Variants in ECE1 observed in about 807,000 individuals in gnomAD.
The protein encoded by ECE1 is endothelin converting enzyme 1.
A neutral mutation model predicts 98.6 loss-of-function variants in ECE1; 35 were observed. The ratio of observed to expected loss-of-function variants is 0.35; its 90% CI spans 0.27 to 0.47. The LOEUF (loss-of-function observed/expected upper bound fraction) is 0.47. Among genes scored for constraint, ECE1 ranks in the 20% least tolerant of loss-of-function variants. The pLI is 1.00. For missense variants in ECE1, 814 were observed against 1,025.3 expected (o/e 0.79, Z 2.81); for synonymous variants, 394 against 407.1 (o/e 0.97, Z 0.39).
chr1:21,302,773 C>T (rs1016674980), intron 1 of ECE1, among the ~76,000 whole-genome samples: 21 of 152,142 alleles, frequency 1.4e-4, no homozygotes, highest in African/African-American at 4.3e-4. Context: ...AAGGTGATGA[C>T]GGAAATGTAG....
At chr1:21,283,369 C>T (rs544202854) in intron 2 of ECE1, among the ~76,000 whole-genome samples, 1 of 151,786 alleles carries the variant, frequency 6.6e-6, no homozygotes, top group East Asian at 1.9e-4. Context: ...CTCCCGAGTT[C>T]AAGCAATTCT....
intron 17 of ECE1, among the ~76,000 whole-genome samples, chr1:21,224,733 A>G (rs773622089): frequency 1.3e-5 from 2 of 152,212 alleles, no homozygotes; most frequent in African/African-American, 2.4e-5. Flanking sequence ...TCTCTGGGTC[A>G]GCCCGTGTCT....
Position 21,219,379 on chromosome 1 carries a change from G to A in ECE1, c.*576C>T, listed in dbSNP as rs2098164574. 6.3e-6 allele frequency: 1 copy of A among 157,850 alleles called. No individual in the cohort carries two copies. Among genetic ancestry groups the A allele is most frequent in the African/African-American group, 2.4e-5 (1 of 41,530 alleles). The allele number at this position is 157,850 out of a possible 1,614,324, so 9.8% of individuals were successfully genotyped here. ...TGAAATCACACATCCCAGGGGCTGA[G>A]GCAGCTGTCTGATTTGGAGACTTGC... On this transcript the variant is annotated 3_prime_UTR_variant, in exon 19 of 19. Coordinates refer to ENST00000374893, the MANE Select transcript of ECE1 (RefSeq NM_001397.3). This position sits in a 1 kb window ranked among gnomAD's most constrained non-coding sequence, Gnocchi z 4.5.
At chr1:21,343,743 A>C (rs949643477) in intron 1 of ECE1, among the ~76,000 whole-genome samples, 15 of 152,340 alleles carry the variant, frequency 9.8e-5, no homozygotes, top group African/African-American at 2.9e-4. Context: ...TCTTCACAAT[A>C]GGCTGGTGGG....
In ECE1 at chr1:21,297,092, C is replaced by T. The variant is rs117822555; in HGVS notation, c.4-6936G>A. Among the ~76,000 whole-genome samples the T allele has an allele frequency of 1.2e-3, 177 of 152,318 alleles. 1 individual carries two copies. Among genetic ancestry groups the T allele is most frequent in the East Asian group, 7.9e-3 (41 of 5,184 alleles). On this transcript the variant is annotated intron_variant, in intron 1 of 18. Coordinates refer to the ECE1 transcript ENST00000415912. Reference sequence around the variant, plus strand: ...TGTGAGCCAACCACTCTGGCGTGGCCCCGAGTCCCAGGGCTGGGCTCCCGT... The same window carrying T: ...TGTGAGCCAACCACTCTGGCGTGGCTCCGAGTCCCAGGGCTGGGCTCCCGT...
rs768873554 is a variant in ECE1 at position 21,255,934 on chromosome 1, G to A, written c.1020+13C>T. 1.9e-6 allele frequency: 3 copies of A among 1,613,692 alleles called. No homozygotes were observed. The highest frequency in any genetic ancestry group is 2.5e-6 in the Non-Finnish European group (3 of 1,179,910). ...GCCATCCCAGCCTCCCTAGCAGCCG[G>A]CGCTCAAGTTACCTGCAGCTCGGCT... On this transcript the variant is annotated intron_variant, in intron 8 of 18. Transcript: ENST00000374893.
At chr1:21,294,632 T>TA (rs1392248540), upstream of ECE1, among the ~76,000 whole-genome samples, 1 of 152,196 alleles carries the variant, frequency 6.6e-6, no homozygotes, top group Non-Finnish European at 1.5e-5. This position sits in a 1 kb window ranked among gnomAD's most constrained non-coding sequence, Gnocchi z 4.2. Flanking sequence ...ACGAGAAATA[T>TA]AAACACGCAC....
intron 4 of ECE1, among the ~76,000 whole-genome samples, chr1:21,271,154 C>T (rs1342278717): frequency 6.6e-6 from 1 of 152,204 alleles, no homozygotes; most frequent in Non-Finnish European, 1.5e-5. Context: ...CACCACCCTG[C>T]TCATCCTCAG....
chr1:21,336,712 G>A (rs1639311385), intron 1 of ECE1, among the ~76,000 whole-genome samples: 2 of 152,236 alleles, frequency 1.3e-5, no homozygotes, highest in Admixed American at 6.5e-5. Flanking sequence ...GCGTGGTGGC[G>A]GGCACCTGTA....
At chr1:21,274,439 C>T (rs912761964) in intron 3 of ECE1, among the ~76,000 whole-genome samples, 7 of 152,232 alleles carry the variant, frequency 4.6e-5, no homozygotes, top group Non-Finnish European at 8.8e-5. Flanking sequence ...GGGCAAGTGA[C>T]CTCATCGCTC....
chr1:21,256,074 T>G lies in ECE1; in HGVS notation c.893A>C (p.Glu298Ala). Residue 298 changes from glutamate (E) to alanine (A), a missense_variant, in exon 8 of 19, where the codon GAG (glutamate) becomes GCG (alanine). Coordinates refer to ENST00000374893, the MANE Select transcript of ECE1 (RefSeq NM_001397.3). ...LGKLLGGGDE[E>A]AIRPQMQQIL... is the part of the protein sequence containing the mutation. ...CTGCTGCATCTGGGGCCGGATGGCCTCCTCGTCCCCGCCGCCCAGCAGCTT... is the reference window on the plus strand; with the variant it reads ...CTGCTGCATCTGGGGCCGGATGGCCGCCTCGTCCCCGCCGCCCAGCAGCTT... 6.2e-7 allele frequency: 1 copy of G among 1,610,882 alleles called. No individual in the cohort carries two copies. Among genetic ancestry groups the G allele is most frequent in the South Asian group, 1.1e-5 (1 of 91,044 alleles).
chr1:21,233,706 T>C lies in ECE1; in HGVS notation c.1567-45A>G, dbSNP rs1240055263. 3.8e-6 allele frequency: 6 copies of C among 1,575,216 alleles called. No homozygotes were observed. In the African/African-American group the frequency reaches 6.7e-5, roughly 18 times the overall value. On this transcript the variant is annotated intron_variant, in intron 13 of 18. Coordinates refer to ENST00000374893, the MANE Select transcript of ECE1 (RefSeq NM_001397.3). This position sits in a 1 kb window ranked among gnomAD's most constrained non-coding sequence, Gnocchi z 4.0. ...GTCAATCACAGTGTGCCCTCGGTGG[T>C]GTGCATCTTCCAAGACAGGAAGCCA...
chr1:21,251,792 G>A (rs1167266042), intron 8 of ECE1, among the ~76,000 whole-genome samples: 1 of 152,172 alleles, frequency 6.6e-6, no homozygotes, highest in Non-Finnish European at 1.5e-5. Flanking sequence ...CTAAAAAGGG[G>A]AAAACAGCCT....
intron 1 of ECE1, among the ~76,000 whole-genome samples, chr1:21,311,746 G>T (rs1178988512): frequency 1.3e-5 from 2 of 151,716 alleles, no homozygotes; most frequent in Non-Finnish European, 2.9e-5. Context: ...GCCCTAGGAG[G>T]TTGAGGTTGC....
chr1:21,270,941 T>C (rs1469465675), intron 4 of ECE1, among the ~76,000 whole-genome samples: 1 of 152,208 alleles, frequency 6.6e-6, no homozygotes, highest in Non-Finnish European at 1.5e-5. Flanking sequence ...CCCCCAGCTG[T>C]GATGTTAGGC....
intron 1 of ECE1, among the ~76,000 whole-genome samples, chr1:21,328,556 G>A (rs1639130745): frequency 6.6e-6 from 1 of 152,160 alleles, no homozygotes; most frequent in African/African-American, 2.4e-5. Context: ...GAGGTCAGGA[G>A]TTCCAGACCA....
At position 21,319,441 on chromosome 1, in the gene ECE1, G is replaced by A. The variant is rs1265602112; in HGVS notation, c.3+25935C>T. ...CATGATAAGACCTCGTGTCTAAATG[G>A]CCTGGTACATACTAGGGCCTCCATA... On this transcript the variant is annotated intron_variant, in intron 1 of 18. Coordinates refer to the ECE1 transcript ENST00000415912. The surrounding 1 kb of genome is among the most constrained non-coding windows in gnomAD (Gnocchi z 4.4). Among the ~76,000 whole-genome samples the A allele has an allele frequency of 6.6e-6, 1 of 152,132 alleles. No homozygotes were observed. Among genetic ancestry groups the A allele is most frequent in the East Asian group, 1.9e-4 (1 of 5,188 alleles).
chr1:21,231,952 A>G (rs2098182261), intron 14 of ECE1, among the ~76,000 whole-genome samples: 2 of 152,258 alleles, frequency 1.3e-5, no homozygotes, highest in Non-Finnish European at 2.9e-5. Context: ...ATATTCAAAT[A>G]ATCACAAATA....
At chr1:21,284,008 G>A (rs1206784440) in intron 2 of ECE1, among the ~76,000 whole-genome samples, 1 of 152,202 alleles carries the variant, frequency 6.6e-6, no homozygotes, top group South Asian at 2.1e-4. Flanking sequence ...ACTAGGCCAG[G>A]ATCAGGAGGC....
Sources: gnomAD v4.1 joint callset for allele counts (sites outside exome capture counted in the v4.1 genomes callset) on GRCh38, gnomAD v4.1.1 for gene constraint, Gnocchi (gnomAD v3.1) non-coding constraint, MANE v1.5 for transcripts, NCBI Gene and HGNC (gene_info 2026-07-23, HGNC 2026-07-21) for gene names.